GPHN: variants seen among roughly 807,000 people sequenced by gnomAD.
GPHN encodes the protein gephyrin.
Under a neutral mutation model 95.5 loss-of-function variants are expected in GPHN, and 17 were observed. That is an observed-to-expected ratio of 0.18 (90% CI 0.12 to 0.27). GPHN has a LOEUF of 0.27. Ranked by LOEUF, GPHN falls within the 10% of genes least tolerant of loss-of-function variation. The probability of loss-of-function intolerance (pLI) is 1.00; values close to 1 mark genes in which losing one functional copy is unlikely to be tolerated. For missense variants in GPHN, 660 were observed against 978.1 expected (o/e 0.67, Z 4.34); for synonymous variants, 320 against 322.5 (o/e 0.99, Z 0.08).
In GPHN at chr14:67,163,615, T is replaced by C. The variant is rs150169243; in HGVS notation, c.1911-1547T>C. Among the ~76,000 whole-genome samples, 109 of 152,256 alleles carry C rather than the reference T, an allele frequency of 7.2e-4. 1 individual carries two copies. In the East Asian group the frequency reaches 7.5e-3, roughly 11 times the overall value. On this transcript the variant is annotated intron_variant, in intron 19 of 22. Transcript: ENST00000478722. ...GCAGAGTAGTACACATTAATAATGA[T>C]GGCTATAAATCATCAAAAGAAGTCA...
chr14:67,374,845 C>T, the GPHN span, among the ~76,000 whole-genome samples: 1 of 152,146 alleles, frequency 6.6e-6, no homozygotes, highest in East Asian at 1.9e-4. Flanking sequence ...TTCAAGTGAT[C>T]CTTGAGCCTC....
Position 66,827,432 on chromosome 14 carries a change from A to G in GPHN, c.294+2866A>G, listed in dbSNP as rs547154591. ...AAGAAGAAAGACCAAATGTATTTTT[A>G]TCTTATACCTTAATAGACTAGTCAT... On this transcript the variant is annotated intron_variant, in intron 4 of 22. Transcript: ENST00000478722. Among the ~76,000 whole-genome samples, 15 of 152,288 alleles carry G rather than the reference A, an allele frequency of 9.8e-5. No individual in the cohort carries two copies. The South Asian group carries it at 1.7e-3, about 17-fold the overall frequency.
intron 20 of GPHN, 59 bp from the exon 21 acceptor site, chr14:67,168,874 T>C: frequency 9.2e-7 from 1 of 1,082,416 alleles, no homozygotes; most frequent in Non-Finnish European, 1.4e-6. Context: ...TAGACAGACA[T>C]AATTATTTGG....
At chr14:67,693,037 A>C in the GPHN span, 2 of 1,612,562 alleles carry the variant, frequency 1.2e-6, no homozygotes, top group Non-Finnish European at 1.7e-6. Context: ...TACACACCCC[A>C]CTGGACAGCA....
rs542889339 is a variant in GPHN at position 67,124,330 on chromosome 14, C to T, written c.1748+1953C>T. On this transcript the variant is annotated intron_variant, in intron 17 of 22. Transcript: ENST00000478722. ...CTAACACAGGAGAATCACTTGAACC[C>T]GGGAGGTGGAGGTTGCAGTGAGCTG... Among the ~76,000 whole-genome samples the T allele has an allele frequency of 2.2e-4, 33 of 152,164 alleles. 1 individual carries two copies. Among genetic ancestry groups the T allele is most frequent in the African/African-American group, 7.7e-4 (32 of 41,504 alleles).
chr14:66,580,828 A>G (rs2061131487), intron 1 of GPHN, among the ~76,000 whole-genome samples: 1 of 151,864 alleles, frequency 6.6e-6, no homozygotes, highest in African/African-American at 2.4e-5. Context: ...TTAAGAGGCC[A>G]TCATTACCAT....
chr14:66,544,900 T>G (rs2059481482), intron 1 of GPHN, among the ~76,000 whole-genome samples: 2 of 152,176 alleles, frequency 1.3e-5, no homozygotes, highest in Admixed American at 1.3e-4. Flanking sequence ...AGCACAGGGT[T>G]GGGGGTAAGG....
chr14:67,386,425 T>C, the GPHN span: 1 of 152,172 alleles, frequency 6.6e-6, no homozygotes, highest in East Asian at 1.9e-4. Context: ...TAAGGGGAGG[T>C]CCAAGCATTT....
the GPHN span, among the ~76,000 whole-genome samples, chr14:67,610,792 C>A: frequency 6.6e-6 from 1 of 152,194 alleles, no homozygotes; most frequent in Non-Finnish European, 1.5e-5. Flanking sequence ...CCCTGCCTAC[C>A]AAAGTACCCT....
At chr14:66,541,562 A>G (rs2059354116) in intron 1 of GPHN, among the ~76,000 whole-genome samples, 1 of 152,194 alleles carries the variant, frequency 6.6e-6, no homozygotes, top group African/African-American at 2.4e-5. Context: ...ATTCAGAGCA[A>G]TTCTTAGTGG....
chr14:67,429,969 A>C, the GPHN span, among the ~76,000 whole-genome samples: 1 of 152,210 alleles, frequency 6.6e-6, no homozygotes, highest in Non-Finnish European at 1.5e-5. Context: ...AACTTCCTCA[A>C]GATCACGTGG....
At chr14:66,561,936 T>C (rs962961137) in intron 1 of GPHN, among the ~76,000 whole-genome samples, 1 of 149,270 alleles carries the variant, frequency 6.7e-6, no homozygotes, top group Non-Finnish European at 1.5e-5. Flanking sequence ...CCTTAGCTCA[T>C]GGCCTCTTTT....
At chr14:66,963,617 A>G (rs779731284) in intron 8 of GPHN, among the ~76,000 whole-genome samples, 3 of 152,106 alleles carry the variant, frequency 2.0e-5, no homozygotes, top group Admixed American at 6.6e-5. Context: ...GATAAGTGGC[A>G]ACAAATAGCT....
the GPHN span, among the ~76,000 whole-genome samples, chr14:67,193,988 A>G: frequency 6.6e-6 from 1 of 151,352 alleles, no homozygotes; most frequent in Non-Finnish European, 1.5e-5. Context: ...AAAAAACAGA[A>G]AGAAAGAAAT....
the GPHN span, among the ~76,000 whole-genome samples, chr14:67,619,274 C>T: frequency 1.3e-5 from 2 of 152,182 alleles, no homozygotes; most frequent in Admixed American, 6.5e-5. Flanking sequence ...CCAGCGCTCC[C>T]GTTATTCAGG....
chr14:67,055,728 C>T (rs993265867), intron 10 of GPHN, among the ~76,000 whole-genome samples: 1 of 152,178 alleles, frequency 6.6e-6, no homozygotes, highest in Non-Finnish European at 1.5e-5. Context: ...TTCTTGGTCT[C>T]GCTGACTTCA....
intron 21 of GPHN, among the ~76,000 whole-genome samples, chr14:67,179,293 G>C (rs2083194236): frequency 6.6e-6 from 1 of 152,168 alleles, no homozygotes; most frequent in Admixed American, 6.6e-5. Flanking sequence ...GGCCAAGGCA[G>C]GAGGATCACT....
At chr14:67,465,332 G>A in the GPHN span, among the ~76,000 whole-genome samples, 44 of 150,420 alleles carry the variant, frequency 2.9e-4, 4 homozygotes, top group Admixed American at 1.3e-3. Context: ...GGCAGTGAAC[G>A]GGAGCTGCAG....
the GPHN span, among the ~76,000 whole-genome samples, chr14:67,522,221 G>A: frequency 6.6e-6 from 1 of 152,066 alleles, no homozygotes; most frequent in East Asian, 1.9e-4. Flanking sequence ...GGGATTGTGC[G>A]GGAGAGCCCC....
Sources: allele counts gnomAD v4.1 joint callset (sites outside exome capture counted in the v4.1 genomes callset), GRCh38; gene constraint gnomAD v4.1.1; transcripts MANE v1.5; gene names NCBI Gene and HGNC (gene_info 2026-07-23, HGNC 2026-07-21).